HAO1: variants seen among roughly 807,000 people sequenced by gnomAD.
HAO1 encodes the protein 2-Hydroxyacid oxidase 1.
A neutral mutation model predicts 39.7 loss-of-function variants in HAO1; 34 were observed. The ratio of observed to expected loss-of-function variants is 0.86; its 90% CI spans 0.65 to 1.14. The LOEUF is 1.14. Among genes scored for constraint, HAO1 ranks in the 50% most tolerant of loss-of-function variants. HAO1 has a pLI of 0.00. For synonymous variants in HAO1, 172 were observed against 173.2 expected (o/e 0.99, Z 0.05); for missense variants, 479 against 464.5 (o/e 1.03, Z -0.29).
intron 3 of HAO1, among the ~76,000 whole-genome samples, chr20:7,910,020 C>A (rs1399637439): frequency 2.0e-5 from 3 of 152,118 alleles, no homozygotes; most frequent in East Asian, 1.9e-4. Flanking sequence ...CCCGGTTCAG[C>A]CTCTTACTAG....
rs777296444 is a variant in HAO1 at position 7,940,266 on chromosome 20, T to C, written c.137+20A>G. ...TTTGTGTAATTTTAAAACATGATTT[T>C]AAAAAATAAATTTTCTTACCTGGAA... On this transcript the variant is annotated intron_variant, in intron 1 of 7. Transcript: ENST00000378789. 1.9e-6 allele frequency: 3 copies of C among 1,582,034 alleles called. No homozygotes were observed. The highest frequency in any genetic ancestry group is 2.6e-6 in the Non-Finnish European group (3 of 1,165,744).
At chr20:7,924,055 C>G (rs2050347476) in intron 2 of HAO1, among the ~76,000 whole-genome samples, 1 of 152,094 alleles carries the variant, frequency 6.6e-6, no homozygotes. Context: ...TGGAGAGGGT[C>G]ACAGGTACAT....
intron 2 of HAO1, among the ~76,000 whole-genome samples, chr20:7,927,727 A>G (rs919116627): frequency 2.0e-5 from 3 of 152,232 alleles, no homozygotes; most frequent in African/African-American, 7.2e-5. Flanking sequence ...AGTTAAAAAG[A>G]TAAAACAATA....
chr20:7,905,023 G>C (rs974988846), intron 4 of HAO1, among the ~76,000 whole-genome samples: 1 of 152,168 alleles, frequency 6.6e-6, no homozygotes, highest in Non-Finnish European at 1.5e-5. Context: ...GTAGGAAACA[G>C]TGAACAATTT....
Position 7,892,748 on chromosome 20 carries a change from G to GTAGA in HAO1, c.813+2381_813+2384dup, listed in dbSNP as rs527317339. On this transcript the variant is annotated intron_variant, in intron 5 of 7. Coordinates refer to ENST00000378789, the MANE Select transcript of HAO1 (RefSeq NM_017545.3). ...CTGGAAAGTTCACCCACATTACTTA[G>GTAGA]TAGATAGATAGATAGGTAGATAGAT... 1.9e-3 allele frequency among the ~76,000 whole-genome samples: 295 copies of GTAGA among 152,150 alleles called. 1 individual carries two copies. Among genetic ancestry groups the GTAGA allele is most frequent in the African/African-American group, 6.7e-3 (278 of 41,524 alleles).
intron 4 of HAO1, among the ~76,000 whole-genome samples, chr20:7,903,642 G>T (rs192122611): frequency 6.6e-6 from 1 of 151,194 alleles, no homozygotes; most frequent in African/African-American, 2.4e-5. Context: ...GATGGTGGTG[G>T]TGATGATAGC....
rs189875442 is a variant in HAO1 at position 7,910,138 on chromosome 20, A to T, written c.546-3809T>A. 2.1e-3 allele frequency among the ~76,000 whole-genome samples: 317 copies of T among 152,376 alleles called. 1 individual carries two copies. Among genetic ancestry groups the T allele is most frequent in the African/African-American group, 7.5e-3 (311 of 41,590 alleles). ...TGCCAGTGTTTTCAATGTTTAAGAT[A>T]TATAAATAAATAAAACAGTTAAGAA... is the stretch of plus-strand genomic sequence containing the variant. On this transcript the variant is annotated intron_variant, in intron 3 of 7. Coordinates refer to ENST00000378789, the MANE Select transcript of HAO1 (RefSeq NM_017545.3).
At chr20:7,929,406 G>T (rs913017303) in intron 2 of HAO1, among the ~76,000 whole-genome samples, 3 of 152,090 alleles carry the variant, frequency 2.0e-5, no homozygotes, top group Non-Finnish European at 4.4e-5. Context: ...ATCCAGGGTT[G>T]CCAGATTGAG....
At chr20:7,924,047 G>T (rs988765361) in intron 2 of HAO1, among the ~76,000 whole-genome samples, 3 of 152,128 alleles carry the variant, frequency 2.0e-5, no homozygotes, top group Non-Finnish European at 4.4e-5. Flanking sequence ...GCACCCTCTG[G>T]AGAGGGTCAC....
chr20:7,884,931 G>T (rs1249150266), intron 7 of HAO1, among the ~76,000 whole-genome samples: 1 of 152,170 alleles, frequency 6.6e-6, no homozygotes, highest in Non-Finnish European at 1.5e-5. Context: ...ATGTCCATGG[G>T]ATGAGAGACA....
chr20:7,901,012 C>T (rs1368583509), intron 4 of HAO1, among the ~76,000 whole-genome samples: 1 of 152,146 alleles, frequency 6.6e-6, no homozygotes, highest in African/African-American at 2.4e-5. Context: ...TCAAACCAGC[C>T]ACCATTCTCC....
intron 4 of HAO1, among the ~76,000 whole-genome samples, chr20:7,903,115 C>T (rs1568512601): frequency 6.6e-6 from 1 of 152,228 alleles, no homozygotes; most frequent in Non-Finnish European, 1.5e-5. Flanking sequence ...CCTGCCACTG[C>T]TCCCTTCCGA....
chr20:7,915,010 C>T (rs900055458), intron 2 of HAO1, among the ~76,000 whole-genome samples: 4 of 152,038 alleles, frequency 2.6e-5, no homozygotes. Flanking sequence ...GTCCCAGCTA[C>T]TCAGGAGGCT....
intron 2 of HAO1, among the ~76,000 whole-genome samples, chr20:7,928,157 C>G (rs989316068): frequency 1.2e-4 from 18 of 152,136 alleles, no homozygotes; most frequent in Non-Finnish European, 2.2e-4. Context: ...TCTTGTTCCT[C>G]TCCTATAGAC....
intron 2 of HAO1, among the ~76,000 whole-genome samples, chr20:7,926,268 G>T (rs934985954): frequency 1.3e-5 from 2 of 152,056 alleles, no homozygotes; most frequent in African/African-American, 2.4e-5. Context: ...TACTTCACAG[G>T]CCTATTGTAA....
At chr20:7,932,150 C>T (rs577823726) in intron 2 of HAO1, among the ~76,000 whole-genome samples, 2 of 152,266 alleles carry the variant, frequency 1.3e-5, no homozygotes, top group South Asian at 4.1e-4. Flanking sequence ...CTCTCTCCTG[C>T]CACCATGGGA....
intron 4 of HAO1, 122 bp downstream of exon 4, chr20:7,906,032 T>C: frequency 1.4e-6 from 1 of 738,270 alleles, no homozygotes; most frequent in South Asian, 1.6e-5. Context: ...GAATTGAGAG[T>C]TGGAATGTCT....
intron 3 of HAO1, among the ~76,000 whole-genome samples, chr20:7,912,167 A>G (rs777333702): frequency 6.6e-6 from 1 of 152,152 alleles, no homozygotes; most frequent in Non-Finnish European, 1.5e-5. Context: ...ATGCACACCG[A>G]CAGCTGAAAA....
At chr20:7,939,558 T>C (rs968645059) in intron 1 of HAO1, among the ~76,000 whole-genome samples, 7 of 152,088 alleles carry the variant, frequency 4.6e-5, no homozygotes, top group African/African-American at 7.2e-5. Flanking sequence ...CTGAGTGTAG[T>C]GTAGTGAAGG....
Sources: allele counts gnomAD v4.1 joint callset (sites outside exome capture counted in the v4.1 genomes callset), GRCh38; gene constraint gnomAD v4.1.1; transcripts MANE v1.5; gene names NCBI Gene and HGNC (gene_info 2026-07-23, HGNC 2026-07-21).